MANSC4: variants seen among roughly 807,000 people sequenced by gnomAD.
MANSC4 encodes the protein MANSC domain-containing protein 4.
In MANSC4, 11 loss-of-function variants were observed where a neutral mutation model predicts 11.4. The observed-to-expected ratio is 0.97, with a 90% CI of 0.61 to 1.60. The LOEUF is 1.60. Ranked by LOEUF, MANSC4 falls within the 40% of genes most tolerant of loss-of-function variation. The pLI is 0.00. For missense variants in MANSC4, 354 were observed against 404.6 expected (o/e 0.88, Z 1.07); for synonymous variants, 123 against 147.1 (o/e 0.84, Z 1.19).
intron 2 of MANSC4, among the ~76,000 whole-genome samples, chr12:27,768,203 G>A (rs2062081734): frequency 6.6e-6 from 1 of 151,314 alleles, no homozygotes; most frequent in Non-Finnish European, 1.5e-5. Flanking sequence ...TTCGAGACCA[G>A]CCCGGCCAAC....
chr12:27,778,878 C>T (rs931866486), intron 1 of MANSC4, among the ~76,000 whole-genome samples: 3 of 152,314 alleles, frequency 2.0e-5, no homozygotes, highest in Middle Eastern at 3.4e-3. Flanking sequence ...CAAGTGGTCT[C>T]TCTTTTCCGA....
At chr12:27,763,512 A>G (rs2062057892) in intron 3 of MANSC4, 116 bp from the exon 4 acceptor site, 4 of 887,398 alleles carry the variant, frequency 4.5e-6, no homozygotes, top group Non-Finnish European at 6.8e-6. Flanking sequence ...ACGAAGCTAA[A>G]TTCACGTTCT....
chr12:27,773,805 C>A (rs1355235469), intron 1 of MANSC4, among the ~76,000 whole-genome samples: 1 of 152,162 alleles, frequency 6.6e-6, no homozygotes, highest in Non-Finnish European at 1.5e-5. Context: ...TCATTTAAAT[C>A]ACTCCATAAG....
Position 27,780,173 on chromosome 12 carries a change from C to T in MANSC4, c.-307+37G>A, listed in dbSNP as rs902003643. The T allele has an allele frequency of 3.1e-4, 116 of 371,710 alleles. No homozygotes were observed. Among genetic ancestry groups the T allele is most frequent in the Non-Finnish European group, 4.5e-4 (108 of 237,550 alleles). The allele number at this position is 371,710 out of a possible 1,614,324, so 23.0% of individuals were successfully genotyped here. The stretch of plus-strand genomic sequence containing the variant: ...CGGGAGCGGGCCCCGGGAGGAGGGG[C>T]CGCCGGAGAGGCCGGGCGAGCGCGG... On this transcript the variant is annotated intron_variant, in intron 1 of 3. Transcript: ENST00000381273. The surrounding 1 kb of genome is among the most constrained non-coding windows in gnomAD (Gnocchi z 8.8).
At position 27,780,087 on chromosome 12, in the gene MANSC4, C is replaced by G. The variant is rs2062137849; in HGVS notation, c.-307+123G>C. 5.9e-6 allele frequency: 1 copy of G among 169,676 alleles called. No individual in the cohort carries two copies. Among genetic ancestry groups the G allele is most frequent in the African/African-American group, 2.4e-5 (1 of 41,774 alleles). The allele number at this position is 169,676 out of a possible 1,614,324, so 10.5% of individuals were successfully genotyped here. On this transcript the variant is annotated intron_variant, in intron 1 of 3. Transcript: ENST00000381273. This position sits in a 1 kb window ranked among gnomAD's most constrained non-coding sequence, Gnocchi z 8.8. ...GGAGAGCCCGCGCGAGGACGCCCGC[C>G]GCGCTCCGCCGGCCCTTTTTTGGCG...
chr12:27,772,608 C>T (rs984669019), intron 1 of MANSC4, among the ~76,000 whole-genome samples: 5 of 152,292 alleles, frequency 3.3e-5, no homozygotes, highest in Middle Eastern at 3.4e-3. Context: ...GCACTAACTC[C>T]TAACCTTGCC....
In MANSC4 at chr12:27,766,731, A is replaced by G; in HGVS notation, c.298T>C (p.Cys100Arg). Residue 100 changes from cysteine (C) to arginine (R), a missense_variant, in exon 3 of 4, where the codon TGC (cysteine) becomes CGC (arginine). Physicochemically the swap from Cys to Arg is radical, Grantham distance 180. Transcript: ENST00000381273. ...HDNINCLHVH[C>R]PTLESCILEP... ...AATATGCAGCTCTCCAGTGTTGGGC[A>G]GTGAACATGGAGGCAGTTGATATTG... The G allele has an allele frequency of 6.4e-7, 1 of 1,551,712 alleles. No individual in the cohort carries two copies. Among genetic ancestry groups the G allele is most frequent in the East Asian group, 2.4e-5 (1 of 40,914 alleles).
rs1565480140 is a variant in MANSC4 at position 27,780,159 on chromosome 12, C to T, written c.-307+51G>A. ...GGGCCGCCGCCTCGCGGGAGCGGGC[C>T]CCGGGAGGAGGGGCCGCCGGAGAGG... On this transcript the variant is annotated intron_variant, in intron 1 of 3. Transcript: ENST00000381273. The surrounding 1 kb of genome is among the most constrained non-coding windows in gnomAD (Gnocchi z 8.8). 3 of 288,968 alleles carry T rather than the reference C, an allele frequency of 1.0e-5. No homozygotes were observed. The highest frequency in any genetic ancestry group is 9.1e-5 in the East Asian group (1 of 10,996). The allele number at this position is 288,968 out of a possible 1,614,324, so 17.9% of individuals were successfully genotyped here.
intron 3 of MANSC4, 123 bp downstream of exon 3, chr12:27,766,542 T>C (rs1404474124): frequency 8.6e-7 from 1 of 1,161,410 alleles, no homozygotes; most frequent in Non-Finnish European, 1.2e-6. Flanking sequence ...TTTTCCCAAG[T>C]TCACTGGAAA....
At chr12:27,774,495 AAG>A (rs35634680) in intron 1 of MANSC4, among the ~76,000 whole-genome samples, 24,509 of 152,204 alleles carry the variant, frequency 0.16, 2,514 homozygotes, top group Non-Finnish European at 0.23. Flanking sequence ...AAAATACAAA[AAG>A]AGAAACTATT....
Position 27,769,787 on chromosome 12 carries a change from C to A in MANSC4, c.229+1261G>T, listed in dbSNP as rs573881240. Among the ~76,000 whole-genome samples, 3 of 152,178 alleles carry A rather than the reference C, an allele frequency of 2.0e-5. No homozygotes were observed. The East Asian group carries it at 5.8e-4, about 29-fold the overall frequency. On this transcript the variant is annotated intron_variant, in intron 2 of 3. Coordinates refer to ENST00000381273, the MANE Select transcript of MANSC4 (RefSeq NM_001146221.5). The stretch of plus-strand genomic sequence containing the variant: ...TGGAAATTAACAAGTTGATATGAAA[C>A]CATGGAAAGAAAGTGTAGAACAACC...
In MANSC4 at chr12:27,763,070, T is replaced by G; in HGVS notation, c.691A>C (p.Thr231Pro). ...TDFISNPDNK[T>P]ISPFFEPIDT... is the part of the protein sequence containing the mutation. The stretch of plus-strand genomic sequence containing the variant: ...ATGGGTTCAAAGAAAGGAGAAATAG[T>G]CTTATTATCTGGATTGCTGATGAAA... Residue 231 changes from threonine (T) to proline (P), a missense_variant, in exon 4 of 4, where the codon ACT (threonine) becomes CCT (proline). Thr to Pro is a conservative substitution (Grantham distance 38). Coordinates refer to ENST00000381273, the MANE Select transcript of MANSC4 (RefSeq NM_001146221.5). 1 of 1,551,670 alleles carries G rather than the reference T, an allele frequency of 6.4e-7. No homozygotes were observed. Among genetic ancestry groups the G allele is most frequent in the Admixed American group, 2.0e-5 (1 of 50,956 alleles).
rs2062099052 is a variant in MANSC4, at chr12:27,771,185, CTG to C, written c.90_91del (p.Tyr30Ter). 4 of 1,551,998 alleles carry C rather than the reference CTG, an allele frequency of 2.6e-6. No individual in the cohort carries two copies. Among genetic ancestry groups the C allele is most frequent in the Non-Finnish European group, 1.7e-6 (2 of 1,147,114 alleles). Reference sequence around the variant, plus strand: ...TGGGAAGCGACGGATCCAGCAGTCTCTGTAAAAAATTGTGGGTGAGCAGAGAG... The same window carrying C: ...TGGGAAGCGACGGATCCAGCAGTCTCTAAAAAATTGTGGGTGAGCAGAGAG... On this transcript the variant is annotated stop_gained and frameshift_variant, in exon 2 of 4. Coordinates refer to ENST00000381273, the MANE Select transcript of MANSC4 (RefSeq NM_001146221.5). LOFTEE classifies it high-confidence loss of function.
At chr12:27,773,935 G>A (rs1373851840) in intron 1 of MANSC4, among the ~76,000 whole-genome samples, 1 of 152,140 alleles carries the variant, frequency 6.6e-6, no homozygotes, top group Non-Finnish European at 1.5e-5. Flanking sequence ...ATCACTAGAG[G>A]TCAGGAGTTT....
At chr12:27,765,973 C>T (rs569857601) in intron 3 of MANSC4, among the ~76,000 whole-genome samples, 3 of 152,208 alleles carry the variant, frequency 2.0e-5, no homozygotes, top group Admixed American at 6.5e-5. Flanking sequence ...CTGAACCTGA[C>T]ATCCCTCTTT....
At chr12:27,770,151 G>A (rs2062093874) in intron 2 of MANSC4, among the ~76,000 whole-genome samples, 1 of 152,026 alleles carries the variant, frequency 6.6e-6, no homozygotes, top group Non-Finnish European at 1.5e-5. Context: ...ACCCAAGTCA[G>A]CACATTTTAG....
chr12:27,777,145 A>G (rs1440615516), intron 1 of MANSC4, among the ~76,000 whole-genome samples: 1 of 152,196 alleles, frequency 6.6e-6, no homozygotes, highest in Non-Finnish European at 1.5e-5. Flanking sequence ...TCCCTGTCCA[A>G]CCTCATCTTA....
chr12:27,777,085 A>G (rs2062121917), intron 1 of MANSC4, among the ~76,000 whole-genome samples: 1 of 152,198 alleles, frequency 6.6e-6, no homozygotes, highest in African/African-American at 2.4e-5. Flanking sequence ...TTGGGAGCCA[A>G]AAAAACTCAC....
Position 27,766,085 on chromosome 12 carries a change from T to C in MANSC4, c.364+580A>G, listed in dbSNP as rs547786017. 1.1e-4 allele frequency among the ~76,000 whole-genome samples: 16 copies of C among 152,136 alleles called. No individual in the cohort carries two copies. In the South Asian group the frequency reaches 3.3e-3, roughly 32 times the overall value. ...GCCACCACAGGACCTTTTTTTTTTT[T>C]TGAGGCAGATTCTTGCTCTGTCACC... On this transcript the variant is annotated intron_variant, in intron 3 of 3. Coordinates refer to ENST00000381273, the MANE Select transcript of MANSC4 (RefSeq NM_001146221.5).
Sources: gnomAD v4.1 joint callset for allele counts (sites outside exome capture counted in the v4.1 genomes callset) on GRCh38, gnomAD v4.1.1 for gene constraint, Gnocchi (gnomAD v3.1) non-coding constraint, MANE v1.5 for transcripts, NCBI Gene and HGNC (gene_info 2026-07-23, HGNC 2026-07-21) for gene names.